Variants in SAMD4A observed in about 807,000 individuals in gnomAD.
SAMD4A encodes sterile alpha motif domain containing 4A.
A neutral mutation model predicts 81.3 loss-of-function variants in SAMD4A; 33 were observed. The ratio of observed to expected loss-of-function variants is 0.41; its 90% confidence interval spans 0.31 to 0.54. The LOEUF (loss-of-function observed/expected upper bound fraction) is 0.54. SAMD4A is among the 20% of genes least tolerant of loss of function. The pLI, the probability that SAMD4A is intolerant of heterozygous loss-of-function variation, is 0.37. For synonymous variants in SAMD4A, 389 were observed against 382.1 expected, an observed-to-expected ratio of 1.02 and a Z score of -0.21; for missense variants, 854 against 951.1, an observed-to-expected ratio of 0.90 and a Z score of 1.34.
At chr14:54,682,753 C>T (rs532349258) in intron 2 of SAMD4A, among the ~76,000 whole-genome samples, 59 of 152,188 alleles carry the variant, frequency 3.9e-4, no homozygotes, top group Non-Finnish European at 7.9e-4. Context: ...CAAATTAAAG[C>T]GTAAAAGGAA....
intron 3 of SAMD4A, among the ~76,000 whole-genome samples, chr14:54,723,148 C>T (rs1404818517): frequency 6.6e-6 from 1 of 151,560 alleles, no homozygotes; most frequent in Non-Finnish European, 1.5e-5. Flanking sequence ...GTCTGCTGCT[C>T]CTCCAGCATT....
intron 2 of SAMD4A, among the ~76,000 whole-genome samples, chr14:54,611,714 T>TA (rs1474527145): frequency 1.3e-5 from 2 of 151,716 alleles, no homozygotes; most frequent in African/African-American, 4.8e-5. Context: ...CCATCTCTAC[T>TA]AAAAATACAA....
intron 2 of SAMD4A, among the ~76,000 whole-genome samples, chr14:54,612,607 T>C (rs2034388216): frequency 6.6e-6 from 1 of 152,222 alleles, no homozygotes; most frequent in Non-Finnish European, 1.5e-5. Context: ...TTCCATGTTC[T>C]CTGTTGTGCT....
chr14:54,762,856 C>T (rs2038438024), intron 7 of SAMD4A, among the ~76,000 whole-genome samples: 1 of 138,698 alleles, frequency 7.2e-6, no homozygotes, highest in Non-Finnish European at 1.5e-5. Context: ...CATGAATATT[C>T]ACTTTTTTTT....
chr14:54,660,004 C>T (rs1019977026), intron 2 of SAMD4A, among the ~76,000 whole-genome samples: 3 of 152,002 alleles, frequency 2.0e-5, no homozygotes, highest in Admixed American at 1.3e-4. Flanking sequence ...TTGCGTGAAC[C>T]CGGGAGGCGG....
intron 7 of SAMD4A, among the ~76,000 whole-genome samples, chr14:54,764,031 T>C (rs7151959): frequency 0.99 from 151,312 of 152,314 alleles, 75,161 homozygotes; most frequent in South Asian, 1. Context: ...AACGCCGCTG[T>C]CTCTGCACCT....
At chr14:54,613,134 GAGAA>G (rs1044163331) in intron 2 of SAMD4A, among the ~76,000 whole-genome samples, 2 of 63,590 alleles carry the variant, frequency 3.1e-5, no homozygotes, top group African/African-American at 1.4e-4. Flanking sequence ...AAGAGAGAGA[GAGAA>G]AGGAAGGAAG....
At chr14:54,701,356 A>G (rs1407524189) in intron 2 of SAMD4A, among the ~76,000 whole-genome samples, 1 of 152,178 alleles carries the variant, frequency 6.6e-6, no homozygotes, top group Non-Finnish European at 1.5e-5. Context: ...AAAATGATCA[A>G]TGTTATGTGT....
chr14:54,724,007 T>TGGAAGGAAGGAAGGACGAAGGAA (rs1555347507), intron 3 of SAMD4A, among the ~76,000 whole-genome samples: 1 of 124,176 alleles, frequency 8.1e-6, no homozygotes, highest in East Asian at 2.5e-4. Flanking sequence ...GATGGATGGA[T>TGGAAGGAAGGAAGGACGAAGGAA]GGAAGGAAGG....
intron 11 of SAMD4A, among the ~76,000 whole-genome samples, chr14:54,780,721 T>C (rs113382017): frequency 6.6e-6 from 1 of 152,184 alleles, no homozygotes; most frequent in East Asian, 1.9e-4. Context: ...TCTTATACCA[T>C]GTTGTACCCA....
rs375419185 is a variant in SAMD4A, at chr14:54,602,897, C to G, written c.196+34785C>G. ...GTTACTTCAAGTGCACACTGGGGAC[C>G]AGTATCAAGGACATCACCTGAGATC... On this transcript the variant is annotated intron_variant, in intron 2 of 12. Transcript: ENST00000554335. Among the ~76,000 whole-genome samples the G allele has an allele frequency of 2.0e-5, 3 of 152,294 alleles. No individual in the cohort carries two copies. In the South Asian group the frequency reaches 6.2e-4, roughly 32 times the overall value.
In SAMD4A at chr14:54,760,239, A is replaced by T. The variant is rs1406424711; in HGVS notation, c.1255A>T (p.Ser419Cys). The change falls in exon 7 of 13, where the codon AGC becomes TGC. Residue 419 changes from serine (S) to cysteine (C), a missense_variant. Around this residue, in one of 3 missense-constraint regions of SAMD4A, gnomAD observed 428 missense variants for 471.2 expected, o/e 0.91. Coordinates refer to ENST00000554335, the MANE Select transcript of SAMD4A (RefSeq NM_015589.6). ...GATCCTGACTCCGATCAAGGCCTACAGCTCCCCGAGCACCACCCCCGAGGC... is the reference window on the plus strand; with the variant it reads ...GATCCTGACTCCGATCAAGGCCTACTGCTCCCCGAGCACCACCCCCGAGGC... ...QMILTPIKAYSSPSTTPEARR... is the reference protein window; with the variant it reads ...QMILTPIKAYCSPSTTPEARR... The T allele has an allele frequency of 1.2e-6, 2 of 1,613,202 alleles. No individual in the cohort carries two copies. The highest frequency in any genetic ancestry group is 1.1e-5 in the South Asian group (1 of 90,994).
intron 2 of SAMD4A, among the ~76,000 whole-genome samples, chr14:54,673,559 G>T (rs1230855951): frequency 6.6e-6 from 1 of 152,230 alleles, no homozygotes; most frequent in African/African-American, 2.4e-5. Context: ...CCTCTCAGCT[G>T]CTTAGAAGGA....
intron 8 of SAMD4A, 73 bp downstream of exon 8, chr14:54,764,613 G>C: frequency 9.8e-7 from 1 of 1,022,090 alleles, no homozygotes; most frequent in South Asian, 1.5e-5. Context: ...TTTCTGTGAT[G>C]TGATCATTTT....
At chr14:54,635,115 T>G (rs145363172) in intron 2 of SAMD4A, among the ~76,000 whole-genome samples, 57 of 152,298 alleles carry the variant, frequency 3.7e-4, no homozygotes, top group African/African-American at 1.3e-3. Context: ...AGCAGTGCCT[T>G]TAAGACATAA....
At chr14:54,716,423 T>G (rs2037119533) in intron 3 of SAMD4A, among the ~76,000 whole-genome samples, 1 of 152,150 alleles carries the variant, frequency 6.6e-6, no homozygotes, top group African/African-American at 2.4e-5. Context: ...ACTCTCTGTA[T>G]CTCTTGTTAG....
chr14:54,749,058 C>T, intron 5 of SAMD4A, 134 bp downstream of exon 5: 2 of 618,574 alleles, frequency 3.2e-6, no homozygotes, highest in Non-Finnish European at 2.9e-6. Context: ...CTGTGGGGTG[C>T]TGGCCAGCAT....
intron 2 of SAMD4A, among the ~76,000 whole-genome samples, chr14:54,608,618 T>C (rs547453225): frequency 1.3e-5 from 2 of 152,246 alleles, no homozygotes; most frequent in Non-Finnish European, 2.9e-5. Flanking sequence ...AGTAGGTTAT[T>C]GAGTTTGATA....
At chr14:54,630,152 T>A (rs2034860732) in intron 2 of SAMD4A, among the ~76,000 whole-genome samples, 1 of 152,246 alleles carries the variant, frequency 6.6e-6, no homozygotes, top group African/African-American at 2.4e-5. Flanking sequence ...TTTACAAAGA[T>A]CTCTTTGAAA....
Sources: allele counts gnomAD v4.1 joint callset (sites outside exome capture counted in the v4.1 genomes callset), GRCh38; gene constraint gnomAD v4.1.1; regional missense constraint gnomAD v4.1.1; transcripts MANE v1.5; gene names NCBI Gene and HGNC (gene_info 2026-07-23, HGNC 2026-07-21).